Variants in ESR2 observed in about 807,000 individuals in gnomAD.
The protein encoded by ESR2 is estrogen receptor beta.
In ESR2, 36 loss-of-function variants were observed where a neutral mutation model predicts 49.6. The observed-to-expected ratio is 0.73, with a 90% CI of 0.56 to 0.96. The LOEUF (loss-of-function observed/expected upper bound fraction) is 0.96, where lower values mean the gene tolerates loss of function less well. ESR2 is among the 40% of genes least tolerant of loss of function. ESR2 has a pLI of 0.00. For missense variants in ESR2, 714 were observed against 693.0 expected (o/e 1.03, Z -0.34); for synonymous variants, 320 against 266.1 (o/e 1.20, Z -1.97).
chr14:64,255,166 A>G (rs1340868387), intron 6 of ESR2, among the ~76,000 whole-genome samples: 1 of 152,122 alleles, frequency 6.6e-6, no homozygotes, highest in African/African-American at 2.4e-5. Flanking sequence ...AATAAACACT[A>G]AATTTGGCAT....
upstream of ESR2, chr14:64,298,265 T>C (rs551245684): frequency 6.6e-6 from 1 of 152,342 alleles, no homozygotes; most frequent in South Asian, 2.1e-4. Context: ...CATTTAATCC[T>C]TGAAAATTCC....
At chr14:64,329,366 G>T (rs770340932) in intron 1 of ESR2, 1 of 152,188 alleles carries the variant, frequency 6.6e-6, no homozygotes, top group African/African-American at 2.4e-5. Context: ...ATTCCAACAT[G>T]AGACTTGGCA....
At chr14:64,227,362 G>A, downstream of ESR2, 1 of 696,154 alleles carries the variant, frequency 1.4e-6, no homozygotes, top group Non-Finnish European at 2.4e-6. Context: ...TTATCAAATT[G>A]TTGGATTGAT....
At chr14:64,233,435 C>T in intron 8 of ESR2, 112 bp from the exon 9 acceptor site, 1 of 998,542 alleles carries the variant, frequency 1.0e-6, no homozygotes, top group Non-Finnish European at 1.5e-6. Context: ...CCTAAACCCA[C>T]TCTTCCCCCA....
chr14:64,294,816 T>C (rs998951781), upstream of ESR2, among the ~76,000 whole-genome samples: 7 of 152,324 alleles, frequency 4.6e-5, no homozygotes, highest in East Asian at 1.2e-3. Context: ...CCTCGGGCCC[T>C]GGAGTGGCAA....
At chr14:64,268,014 G>A (rs1444296734) in intron 4 of ESR2, among the ~76,000 whole-genome samples, 3 of 152,128 alleles carry the variant, frequency 2.0e-5, no homozygotes, top group African/African-American at 7.2e-5. Flanking sequence ...ATAAGTGCAG[G>A]CAGAACTGCT....
intron 1 of ESR2, among the ~76,000 whole-genome samples, chr14:64,312,661 T>C (rs2077199580): frequency 6.6e-6 from 1 of 152,172 alleles, no homozygotes; most frequent in Non-Finnish European, 1.5e-5. Flanking sequence ...TGCTTCTGTG[T>C]CTCTTTGTTG....
Position 64,307,814 on chromosome 14 carries a change from G to A in ESR2, c.-90-24739C>T, listed in dbSNP as rs569373626. Among the ~76,000 whole-genome samples the A allele has an allele frequency of 4.0e-5, 6 of 151,898 alleles. No homozygotes were observed. The East Asian group carries it at 5.9e-4, about 15-fold the overall frequency. ...CTCCAAAAATGCTGGGATTACAGGC[G>A]TGAGCCACCATGCCCGGCCTAGGGA... On this transcript the variant is annotated intron_variant, in intron 1 of 8. Transcript: ENST00000358599.
At chr14:64,249,415 A>G in intron 7 of ESR2, 131 bp downstream of exon 7, 3 of 1,067,304 alleles carry the variant, frequency 2.8e-6, no homozygotes, top group Non-Finnish European at 4.0e-6. Flanking sequence ...CAAAATAAAA[A>G]CGAAGTCCAA....
intron 3 of ESR2, among the ~76,000 whole-genome samples, chr14:64,269,781 T>C (rs2076402132): frequency 6.6e-6 from 1 of 152,226 alleles, no homozygotes; most frequent in Non-Finnish European, 1.5e-5. Context: ...ACTTGTTAGT[T>C]ATATAGCAAT....
chr14:64,256,485 T>C (rs1253155605), intron 6 of ESR2, among the ~76,000 whole-genome samples: 1 of 152,118 alleles, frequency 6.6e-6, no homozygotes, highest in Non-Finnish European at 1.5e-5. Context: ...TCCCAGCGCT[T>C]TGGGAAGCTG....
At chr14:64,292,112 C>T (rs1474651204) in intron 1 of ESR2, among the ~76,000 whole-genome samples, 1 of 152,156 alleles carries the variant, frequency 6.6e-6, no homozygotes, top group Non-Finnish European at 1.5e-5. Flanking sequence ...GTCCAAGTCT[C>T]AAGTTTCCCA....
chr14:64,242,504 T>G (rs2075754886), intron 7 of ESR2, among the ~76,000 whole-genome samples: 1 of 151,278 alleles, frequency 6.6e-6, no homozygotes, highest in Non-Finnish European at 1.5e-5. Context: ...TCTGTTAATA[T>G]GAATTTTGAT....
chr14:64,311,832 A>C (rs528672990), intron 1 of ESR2, among the ~76,000 whole-genome samples: 2 of 152,120 alleles, frequency 1.3e-5, no homozygotes, highest in African/African-American at 4.8e-5. Context: ...AAAAACAAAA[A>C]CAAAAAGACT....
At chr14:64,274,439 G>A (rs966697000) in intron 3 of ESR2, among the ~76,000 whole-genome samples, 1 of 151,946 alleles carries the variant, frequency 6.6e-6, no homozygotes, top group African/African-American at 2.4e-5. Flanking sequence ...GATTTCTGCG[G>A]TATCAGTTGT....
intron 1 of ESR2, among the ~76,000 whole-genome samples, chr14:64,331,120 T>C (rs1254929161): frequency 6.6e-6 from 1 of 152,032 alleles, no homozygotes; most frequent in African/African-American, 2.4e-5. Flanking sequence ...CAAAACTATA[T>C]GCTGTTTACA....
Position 64,235,108 on chromosome 14 carries a change from C to T in ESR2, c.1268G>A (p.Ser423Asn), listed in dbSNP as rs770908423. 1 of 1,614,140 alleles carries T rather than the reference C, an allele frequency of 6.2e-7. No individual in the cohort carries two copies. Among genetic ancestry groups the T allele is most frequent in the East Asian group, 2.2e-5 (1 of 44,884 alleles). The change falls in exon 8 of 9, where the codon AGC becomes AAC. Residue 423 changes from serine (S) to asparagine (N), a missense_variant. By Grantham distance (46) the Ser-to-Asn change is conservative (BLOSUM62 1). Coordinates refer to ENST00000341099, the MANE Select transcript of ESR2 (RefSeq NM_001437.3). The stretch of plus-strand genomic sequence containing the variant: ...GTTCAGCAAGTGAGCCAGCTTCCGG[C>T]TGCTGTCAGCATCCTGGGTCGCTGT... Reference protein sequence around the residue: ...LVTATQDADSSRKLAHLLNAV... With the variant: ...LVTATQDADSNRKLAHLLNAV...
intron 7 of ESR2, among the ~76,000 whole-genome samples, chr14:64,239,759 T>C (rs1296082585): frequency 6.6e-6 from 1 of 152,234 alleles, no homozygotes; most frequent in Non-Finnish European, 1.5e-5. Flanking sequence ...TCAAGAGCCA[T>C]ATCAAAGGCT....
intron 7 of ESR2, among the ~76,000 whole-genome samples, chr14:64,247,112 A>G (rs72548762): frequency 5.2e-4 from 79 of 152,320 alleles, no homozygotes; most frequent in African/African-American, 1.8e-3. Flanking sequence ...TCTGTTGCCC[A>G]TTTACAAAGA....
Sources: gnomAD v4.1 joint callset for allele counts (sites outside exome capture counted in the v4.1 genomes callset) on GRCh38, gnomAD v4.1.1 for gene constraint, MANE v1.5 for transcripts, NCBI Gene and HGNC (gene_info 2026-07-23, HGNC 2026-07-21) for gene names.